RBFOX3: variants seen among roughly 807,000 people sequenced by gnomAD.
The protein encoded by RBFOX3 is RNA binding fox-1 homolog 3.
A neutral mutation model predicts 48.7 loss-of-function variants in RBFOX3; 17 were observed. The ratio of observed to expected loss-of-function variants is 0.35; its 90% confidence interval spans 0.24 to 0.52. The LOEUF (loss-of-function observed/expected upper bound fraction) is 0.52. Ranked by LOEUF, RBFOX3 falls within the 20% of genes least tolerant of loss-of-function variation. RBFOX3 has a pLI of 0.94. For synonymous variants in RBFOX3, 212 were observed against 209.5 expected (o/e 1.01, Z -0.10); for missense variants, 382 against 497.5 (o/e 0.77, Z 2.21).
intron 3 of RBFOX3, among the ~76,000 whole-genome samples, chr17:79,276,528 A>C (rs4396566): frequency 6.6e-6 from 1 of 151,986 alleles, no homozygotes; most frequent in African/African-American, 2.4e-5. Flanking sequence ...TCTACTAAAA[A>C]TACAAAATCA....
chr17:79,596,201 C>T (rs904385182), intron 1 of RBFOX3, among the ~76,000 whole-genome samples: 11 of 152,342 alleles, frequency 7.2e-5, no homozygotes, highest in Admixed American at 3.9e-4. Flanking sequence ...AACAATTGCA[C>T]ACGCTCCAAG....
intron 1 of RBFOX3, among the ~76,000 whole-genome samples, chr17:79,539,384 G>T (rs1393843269): frequency 6.6e-6 from 1 of 152,160 alleles, no homozygotes; most frequent in Non-Finnish European, 1.5e-5. Context: ...ACTGATGTTG[G>T]TGTGGGAATA....
rs1464727950 is a variant in RBFOX3, at chr17:79,249,092, C to T, written c.-73-13287G>A. Among the ~76,000 whole-genome samples, 3 of 152,204 alleles carry T rather than the reference C, an allele frequency of 2.0e-5. No individual in the cohort carries two copies. The highest frequency in any genetic ancestry group is 4.4e-5 in the Non-Finnish European group (3 of 68,036). ...CCCCTGGGTCGGCAACGCCACCTCG[C>T]TTCCTGCAGCTGACAAAGGACTCCT... On this transcript the variant is annotated intron_variant, in intron 3 of 14. Transcript: ENST00000693108. This position sits in a 1 kb window ranked among gnomAD's most constrained non-coding sequence, Gnocchi z 4.1.
At chr17:79,429,448 G>C (rs571591106) in intron 2 of RBFOX3, among the ~76,000 whole-genome samples, 16 of 152,354 alleles carry the variant, frequency 1.1e-4, no homozygotes, top group Admixed American at 7.2e-4. Flanking sequence ...TGCAGGCAGA[G>C]AGTGAGTCCA....
At chr17:79,525,087 A>G (rs2086621657) in intron 1 of RBFOX3, among the ~76,000 whole-genome samples, 2 of 152,240 alleles carry the variant, frequency 1.3e-5, no homozygotes, top group South Asian at 4.1e-4. Flanking sequence ...ATGTCTCCCA[A>G]CCTTTCGGGG....
intron 1 of RBFOX3, among the ~76,000 whole-genome samples, chr17:79,497,739 C>T (rs1301668797): frequency 2.6e-5 from 4 of 152,350 alleles, no homozygotes; most frequent in Admixed American, 1.3e-4. Flanking sequence ...GGGGCCATCT[C>T]TGAAGGTGTG....
At chr17:79,420,041 C>T (rs150296808) in intron 2 of RBFOX3, among the ~76,000 whole-genome samples, 1,549 of 151,854 alleles carry the variant, frequency 0.01, 34 homozygotes, top group African/African-American at 0.036. Flanking sequence ...GCAGGAGAAT[C>T]GCTTGAACCT....
intron 1 of RBFOX3, among the ~76,000 whole-genome samples, chr17:79,594,755 T>A (rs1415547342): frequency 1.3e-5 from 2 of 152,228 alleles, no homozygotes; most frequent in African/African-American, 2.4e-5. Context: ...TGAAAGGTTC[T>A]GGTGTCCAGG....
At chr17:79,293,996 T>C (rs1056180848) in intron 3 of RBFOX3, among the ~76,000 whole-genome samples, 7 of 152,228 alleles carry the variant, frequency 4.6e-5, no homozygotes, top group African/African-American at 1.7e-4. Context: ...GGGGAAGCAA[T>C]GACATAGTCT....
At chr17:79,334,214 G>A (rs748252603) in intron 2 of RBFOX3, among the ~76,000 whole-genome samples, 16 of 152,058 alleles carry the variant, frequency 1.1e-4, no homozygotes, top group Non-Finnish European at 1.9e-4. Context: ...TCCCTCTCTC[G>A]AGACTCCTGT....
chr17:79,092,411 G>T (rs2074105357), intron 14 of RBFOX3: 2 of 985,632 alleles, frequency 2.0e-6, no homozygotes, highest in Non-Finnish European at 2.4e-6. Flanking sequence ...CAGCACAGGT[G>T]GGGTGGGGAG....
At chr17:79,400,707 CA>C (rs2062689444) in intron 2 of RBFOX3, among the ~76,000 whole-genome samples, 1 of 152,212 alleles carries the variant, frequency 6.6e-6, no homozygotes, top group Admixed American at 6.5e-5. Flanking sequence ...GTCCCAAATG[CA>C]GCAGCTCCTG....
chr17:79,614,479 C>CT (rs1332615572), upstream of RBFOX3, among the ~76,000 whole-genome samples: 6 of 1,788 alleles, frequency 3.4e-3, no homozygotes, highest in Non-Finnish European at 0.048. Flanking sequence ...AGCTTTGCAG[C>CT]CCCCCTAAGG....
At chr17:79,161,438 C>G (rs1388476355) in intron 4 of RBFOX3, among the ~76,000 whole-genome samples, 1 of 152,226 alleles carries the variant, frequency 6.6e-6, no homozygotes, top group Non-Finnish European at 1.5e-5. Context: ...GCTGGGGATG[C>G]TGCTCCAGGA....
At chr17:79,465,574 T>G (rs1555753109) in intron 2 of RBFOX3, among the ~76,000 whole-genome samples, 1 of 139,514 alleles carries the variant, frequency 7.2e-6, no homozygotes, top group East Asian at 2.0e-4. Flanking sequence ...CAAGCACACA[T>G]GCACAAAAAA....
Position 79,153,987 on chromosome 17 carries a change from G to T in RBFOX3, c.-33-38239C>A, listed in dbSNP as rs1419540610. Among the ~76,000 whole-genome samples the T allele has an allele frequency of 2.6e-5, 4 of 152,172 alleles. No individual in the cohort carries two copies. The East Asian group carries it at 5.8e-4, about 22-fold the overall frequency. Reference sequence around the variant, plus strand: ...CCCAGTCCGGCTCCCACGGCAGCCAGGGAGATGGTTAAAACAGCACACACT... The same window carrying T: ...CCCAGTCCGGCTCCCACGGCAGCCATGGAGATGGTTAAAACAGCACACACT... On this transcript the variant is annotated intron_variant, in intron 4 of 14. Transcript: ENST00000693108.
At chr17:79,623,730 G>A in the RBFOX3 span, among the ~76,000 whole-genome samples, 1 of 151,738 alleles carries the variant, frequency 6.6e-6, no homozygotes, top group Non-Finnish European at 1.5e-5. Context: ...GCTGAGGCAG[G>A]AGAATCGCTT....
At chr17:79,229,976 T>A (rs981392511) in intron 4 of RBFOX3, among the ~76,000 whole-genome samples, 1 of 152,226 alleles carries the variant, frequency 6.6e-6, no homozygotes, top group South Asian at 2.1e-4. Flanking sequence ...CTGGAGATGC[T>A]GTGCCCAGAT....
the RBFOX3 span, among the ~76,000 whole-genome samples, chr17:79,630,067 C>A: frequency 1.4e-3 from 210 of 152,176 alleles, no homozygotes; most frequent in African/African-American, 4.8e-3. Flanking sequence ...ATTAAGAAAA[C>A]TATAAGGAAA....
Sources: gnomAD v4.1 joint callset for allele counts (sites outside exome capture counted in the v4.1 genomes callset) on GRCh38, gnomAD v4.1.1 for gene constraint, Gnocchi (gnomAD v3.1) non-coding constraint, MANE v1.5 for transcripts, NCBI Gene and HGNC (gene_info 2026-07-23, HGNC 2026-07-21) for gene names.